The following SLC12A5 variants were observed in gnomAD, a reference collection of about 807,000 sequenced individuals.
The protein encoded by SLC12A5 is K-Cl cotransporter 2.
Under a neutral mutation model 124.0 loss-of-function variants are expected in SLC12A5, and 18 were observed. That is an observed-to-expected ratio of 0.15 (90% confidence interval 0.10 to 0.22). SLC12A5 has a LOEUF of 0.22. Among genes scored for constraint, SLC12A5 ranks in the 10% least tolerant of loss-of-function variants. The pLI is 1.00. For synonymous variants in SLC12A5, 589 were observed against 568.0 expected (o/e 1.04, Z -0.53); for missense variants, 867 against 1,478.7 (o/e 0.59, Z 6.78).
intron 14 of SLC12A5, 135 bp downstream of exon 14, chr20:46,046,571 G>C (rs2084597414): frequency 2.9e-6 from 2 of 696,236 alleles, no homozygotes; most frequent in Non-Finnish European, 2.4e-6. Context: ...TCCAGCTTTT[G>C]TTGACCAACT....
At chr20:46,042,306 G>A (rs376850982) in intron 8 of SLC12A5, among the ~76,000 whole-genome samples, 3 of 152,122 alleles carry the variant, frequency 2.0e-5, no homozygotes, top group African/African-American at 7.2e-5. Flanking sequence ...ATTTTTTGAA[G>A]GTTCATTCTG....
chr20:46,021,794 T>G (rs1232596805), upstream of SLC12A5: 1 of 1,532,226 alleles, frequency 6.5e-7, no homozygotes, highest in Admixed American at 2.0e-5. Context: ...GTCACCTCGC[T>G]GCCCCCCGCA....
chr20:46,048,009 C>G lies in SLC12A5; in HGVS notation c.1936C>G (p.Arg646Gly), dbSNP rs771263913. The change falls in exon 16 of 26, where the codon CGA (arginine) becomes GGA (glycine). Residue 646 changes from arginine to glycine, a missense_variant. This residue lies in a region of SLC12A5 where 152 missense variants were observed against 358.7 expected (regional missense o/e 0.42). Transcript: ENST00000243964. ...GAEKEWGDGI[R>G]GLSLSAARYA... is the part of the protein sequence containing the mutation. Reference sequence around the variant, plus strand: ...AGAGAAGGAGTGGGGCGATGGGATACGAGGTCTGTCTCTCAGTGCGGCTCG... The same window carrying G: ...AGAGAAGGAGTGGGGCGATGGGATAGGAGGTCTGTCTCTCAGTGCGGCTCG... 1 of 1,612,294 alleles carries G rather than the reference C, an allele frequency of 6.2e-7. No individual in the cohort carries two copies. The highest frequency in any genetic ancestry group is 8.5e-7 in the Non-Finnish European group (1 of 1,179,284).
Position 46,022,943 on chromosome 20 carries a change from G to GGGAGGAGGAGGAGGA in SLC12A5, c.81_95dup (p.Gly28_Gly32dup), listed in dbSNP as rs34923327. On this transcript the variant is annotated inframe_insertion, in exon 2 of 3. Coordinates refer to the SLC12A5 transcript ENST00000413737. ...ATCGGCTTGTAGTGGCCCCAGCGAG[G>GGGAGGAGGAGGAGGA]GGAGGAGGAGGAGGAGGAGGAGGAG... 2,941 of 364,046 alleles carry GGGAGGAGGAGGAGGA rather than the reference G, an allele frequency of 8.1e-3. 21 individuals carry two copies. The highest frequency in any genetic ancestry group is 0.011 in the Middle Eastern group (17 of 1,502). The allele number at this position is 364,046 out of a possible 1,614,324, so 22.6% of individuals were successfully genotyped here.
At chr20:46,037,497 C>A in intron 6 of SLC12A5, 112 bp downstream of exon 6, 1 of 1,217,986 alleles carries the variant, frequency 8.2e-7, no homozygotes, top group Non-Finnish European at 1.1e-6. Context: ...AAATGTGGTT[C>A]AGTAAGGCCA....
At chr20:46,041,682 C>A in intron 8 of SLC12A5, 142 bp downstream of exon 8, 1 of 844,350 alleles carries the variant, frequency 1.2e-6, no homozygotes, top group African/African-American at 1.7e-5. Context: ...ACATTCTGTC[C>A]TTGGCATCAG....
intron 7 of SLC12A5, 165 bp from the exon 8 acceptor site, chr20:46,041,164 A>G (rs2084543028): frequency 7.5e-6 from 2 of 266,446 alleles, no homozygotes; most frequent in Admixed American, 9.1e-5. Flanking sequence ...GGAGCTTAAG[A>G]AAAAAAAAAA....
chr20:46,028,532 C>T (rs1463359836), upstream of SLC12A5, among the ~76,000 whole-genome samples: 3 of 152,146 alleles, frequency 2.0e-5, no homozygotes, highest in Non-Finnish European at 4.4e-5. Context: ...ACTTCTCAGG[C>T]GCTACCCCAC....
intron 1 of SLC12A5, among the ~76,000 whole-genome samples, chr20:46,032,704 A>G (rs1225107242): frequency 2.6e-5 from 4 of 152,208 alleles, no homozygotes; most frequent in African/African-American, 7.2e-5. Context: ...GTCAGTTTCC[A>G]TAACTCCAGC....
Position 46,059,453 on chromosome 20 carries a change from A to C in SLC12A5, c.*1848A>C. 2.5e-6 allele frequency: 1 copy of C among 398,158 alleles called. No homozygotes were observed. The highest frequency in any genetic ancestry group is 4.4e-6 in the Non-Finnish European group (1 of 225,768). The allele number at this position is 398,158 out of a possible 1,614,324, so 24.7% of individuals were successfully genotyped here. ...GAGGTGTTAGACACCAGCCCCCTGCATCCTTCAGTAGACCTCCCTCTGAAC... is the reference window on the plus strand; with the variant it reads ...GAGGTGTTAGACACCAGCCCCCTGCCTCCTTCAGTAGACCTCCCTCTGAAC... On this transcript the variant is annotated 3_prime_UTR_variant, in exon 26 of 26. Transcript: ENST00000243964.
intron 6 of SLC12A5, among the ~76,000 whole-genome samples, chr20:46,037,989 G>T (rs968629297): frequency 6.6e-5 from 10 of 152,172 alleles, no homozygotes; most frequent in African/African-American, 2.4e-4. Flanking sequence ...TTGCTGGGCA[G>T]TGCTTGAAGT....
chr20:46,045,664 C>T lies in SLC12A5; in HGVS notation c.1570-214C>T, dbSNP rs1051083064. On this transcript the variant is annotated intron_variant, in intron 12 of 25. Coordinates refer to ENST00000243964, the MANE Select transcript of SLC12A5 (RefSeq NM_020708.5). The surrounding 1 kb of genome is among the most constrained non-coding windows in gnomAD (Gnocchi z 4.9). The stretch of plus-strand genomic sequence containing the variant: ...TTTCCCCCTCTAGGGATCATTTGAA[C>T]TTCATGGCACTGGGGTGCCGATCTC... Among the ~76,000 whole-genome samples the T allele has an allele frequency of 1.6e-4, 24 of 152,150 alleles. No homozygotes were observed. The highest frequency in any genetic ancestry group is 1.0e-3 in the Admixed American group (16 of 15,282).
chr20:46,030,168 T>C (rs2145475709), intron 1 of SLC12A5, among the ~76,000 whole-genome samples: 1 of 152,180 alleles, frequency 6.6e-6, no homozygotes, highest in Admixed American at 6.5e-5. Flanking sequence ...ATCACCCTCC[T>C]TTCTTCCCTC....
chr20:46,030,105 G>A (rs1341002755), intron 1 of SLC12A5, among the ~76,000 whole-genome samples: 1 of 152,036 alleles, frequency 6.6e-6, no homozygotes, highest in Non-Finnish European at 1.5e-5. Context: ...GCTCTACTTT[G>A]CAGAATCTCT....
At chr20:46,028,978 C>A, upstream of SLC12A5, 1 of 321,596 alleles carries the variant, frequency 3.1e-6, no homozygotes, top group Non-Finnish European at 5.0e-6. Flanking sequence ...TCCCCCGAAG[C>A]ACCCCCTTCA....
intron 1 of SLC12A5, among the ~76,000 whole-genome samples, chr20:46,030,405 C>T (rs2084438400): frequency 6.6e-6 from 1 of 152,182 alleles, no homozygotes; most frequent in East Asian, 1.9e-4. Flanking sequence ...TCTCCCCCGC[C>T]CTCCTCCGCG....
chr20:46,054,890 C>A (rs949736082), intron 20 of SLC12A5, 26 bp from the exon 21 acceptor site: 5 of 1,583,068 alleles, frequency 3.2e-6, no homozygotes, highest in East Asian at 2.2e-5. Flanking sequence ...CCCCACCCCC[C>A]AACCCCAACC....
intron 1 of SLC12A5, among the ~76,000 whole-genome samples, chr20:46,030,635 C>T (rs2084441088): frequency 1.3e-5 from 2 of 152,236 alleles, no homozygotes; most frequent in Admixed American, 6.5e-5. Context: ...CCCTATGAGC[C>T]TAGACTCCCG....
In SLC12A5 at chr20:46,059,322, A is replaced by T. The variant is rs1387886794; in HGVS notation, c.*1717A>T. 5.5e-6 allele frequency: 2 copies of T among 365,816 alleles called. No individual in the cohort carries two copies. Among genetic ancestry groups the T allele is most frequent in the East Asian group, 7.9e-5 (2 of 25,206 alleles). 22.7% of individuals were successfully genotyped at this position (365,816 alleles called of 1,614,324 possible). A position where few individuals can be genotyped will look rare whatever the true frequency, so the allele number is the denominator to read the frequency against. On this transcript the variant is annotated 3_prime_UTR_variant, in exon 26 of 26. Coordinates refer to ENST00000243964, the MANE Select transcript of SLC12A5 (RefSeq NM_020708.5). ...GAGCTGGCGCCACCCAGACAGCGTCAGGTGTGGCTGGGGTAGGTTTGGAGG... is the reference window on the plus strand; with the variant it reads ...GAGCTGGCGCCACCCAGACAGCGTCTGGTGTGGCTGGGGTAGGTTTGGAGG...
Sources: gnomAD v4.1 joint callset for allele counts (sites outside exome capture counted in the v4.1 genomes callset) on GRCh38, gnomAD v4.1.1 for gene constraint, gnomAD v4.1.1 regional missense constraint, Gnocchi (gnomAD v3.1) non-coding constraint, MANE v1.5 for transcripts, NCBI Gene and HGNC (gene_info 2026-07-23, HGNC 2026-07-21) for gene names.